ZNF618: variants seen among roughly 807,000 people sequenced by gnomAD.
ZNF618 encodes the protein zinc finger protein 618, also known as neural precursor cell expressed, developmentally down-regulated 10.
In ZNF618, 34 loss-of-function variants were observed where a neutral mutation model predicts 103.0. The observed-to-expected ratio is 0.33, with a 90% CI of 0.25 to 0.44. The LOEUF is 0.44. Ranked by LOEUF, ZNF618 falls within the 20% of genes least tolerant of loss-of-function variation. ZNF618 has a pLI of 1.00. For missense variants in ZNF618, 1,059 were observed against 1,295.4 expected (o/e 0.82, Z 2.80); for synonymous variants, 551 against 542.2 (o/e 1.02, Z -0.23).
intron 1 of ZNF618, among the ~76,000 whole-genome samples, chr9:113,955,899 A>C (rs907366769): frequency 7.9e-5 from 12 of 152,138 alleles, no homozygotes; most frequent in Non-Finnish European, 2.9e-5. Context: ...TGTGACCGGA[A>C]GAAGGGTGCT....
At position 114,048,707 on chromosome 9, in the gene ZNF618, A is replaced by G. The variant is rs770509246; in HGVS notation, c.1405A>G (p.Ile469Val). ...GATCCCCGAAAAGGAGCGGCAGAAC[A>G]TCGCAGAGCGGCTGTTGAGGGTCAT... is the stretch of plus-strand genomic sequence containing the variant. Reference protein sequence around the residue: ...SMIPEKERQNIAERLLRVMCA... With the variant: ...SMIPEKERQNVAERLLRVMCA... Residue 469 changes from isoleucine to valine, a missense_variant, in exon 15 of 15, where the codon ATC (isoleucine) becomes GTC (valine). By Grantham distance (29) the Ile-to-Val change is conservative. Transcript: ENST00000374126. 5 of 1,614,026 alleles carry G rather than the reference A, an allele frequency of 3.1e-6. No individual in the cohort carries two copies. The highest frequency in any genetic ancestry group is 4.5e-5 in the East Asian group (2 of 44,880).
intron 13 of ZNF618, among the ~76,000 whole-genome samples, chr9:114,043,732 TA>T (rs1845415694): frequency 6.6e-6 from 1 of 152,166 alleles, no homozygotes; most frequent in Admixed American, 6.5e-5. Flanking sequence ...ATTTTTAAAT[TA>T]TGGCCATTCT....
chr9:114,049,066 T>G lies in ZNF618; in HGVS notation c.1764T>G (p.Ile588Met). 1 of 1,613,890 alleles carries G rather than the reference T, an allele frequency of 6.2e-7. No individual in the cohort carries two copies. The highest frequency in any genetic ancestry group is 8.5e-7 in the Non-Finnish European group (1 of 1,179,898). The change falls in exon 15 of 15, where the codon ATT becomes ATG. Residue 588 changes from isoleucine (I) to methionine (M), a missense_variant. Around this residue, in one of 6 missense-constraint regions of ZNF618, gnomAD observed 272 missense variants for 380.1 expected, o/e 0.72. Coordinates refer to ENST00000374126, the MANE Select transcript of ZNF618 (RefSeq NM_001318042.2). ...TGCTTGGTGTGAAGGGTGCGGACAT[T>G]CGCGACAGCGGTGACCTTGTGCACC... ...SYVLGVKGAD[I>M]RDSGDLVHHW...
intron 1 of ZNF618, among the ~76,000 whole-genome samples, chr9:113,940,506 T>C (rs1167680537): frequency 1.3e-5 from 2 of 152,106 alleles, no homozygotes; most frequent in African/African-American, 2.4e-5. Context: ...GTTTTTGTTT[T>C]CTGTATTTTA....
At chr9:113,970,129 T>C (rs905313865) in intron 2 of ZNF618, among the ~76,000 whole-genome samples, 2 of 152,176 alleles carry the variant, frequency 1.3e-5, no homozygotes, top group Non-Finnish European at 2.9e-5. Flanking sequence ...TGTGAGACTT[T>C]CCAGATCTTT....
chr9:113,917,235 C>CTTTTTTTT (rs56300784), intron 1 of ZNF618, among the ~76,000 whole-genome samples: 62 of 74,254 alleles, frequency 8.3e-4, no homozygotes, highest in Non-Finnish European at 9.5e-4. Flanking sequence ...TCTCTCTATC[C>CTTTTTTTT]TTTTTTTTTT....
intron 1 of ZNF618, among the ~76,000 whole-genome samples, chr9:113,909,084 G>A (rs1045708648): frequency 6.6e-6 from 1 of 151,916 alleles, no homozygotes; most frequent in African/African-American, 2.4e-5. Flanking sequence ...GGTTCGAGGC[G>A]CAGCTCTGCC....
At chr9:113,986,610 C>T (rs1272759799) in intron 2 of ZNF618, among the ~76,000 whole-genome samples, 1 of 152,120 alleles carries the variant, frequency 6.6e-6, no homozygotes, top group African/African-American at 2.4e-5. Flanking sequence ...GCCACCAATC[C>T]CCTCATGAAG....
At chr9:113,884,712 A>G (rs901753117) in intron 1 of ZNF618, among the ~76,000 whole-genome samples, 1 of 152,078 alleles carries the variant, frequency 6.6e-6, no homozygotes, top group African/African-American at 2.4e-5. Context: ...ATCGACACAC[A>G]CACACACGCA....
chr9:113,907,890 G>T (rs1224801769), intron 1 of ZNF618, among the ~76,000 whole-genome samples: 1 of 152,194 alleles, frequency 6.6e-6, no homozygotes, highest in Non-Finnish European at 1.5e-5. Flanking sequence ...CATGAGAGCT[G>T]CCCCCTTCAG....
In ZNF618 at chr9:114,032,638, C is replaced by A. The variant is rs73658317; in HGVS notation, c.1085-7C>A. On this transcript the variant is annotated splice_region_variant and splice_polypyrimidine_tract_variant and intron_variant, in intron 11 of 14. Coordinates refer to ENST00000374126, the MANE Select transcript of ZNF618 (RefSeq NM_001318042.2). ...TGTTTTCTTTCTCTCTCCTGTCCCC[C>A]ACCCAGCAGAAAGCGCTTTCAGTCG... 3.7e-6 allele frequency: 6 copies of A among 1,613,636 alleles called. No homozygotes were observed. The highest frequency in any genetic ancestry group is 1.1e-5 in the South Asian group (1 of 91,086).
At chr9:114,006,549 A>G (rs939508496) in intron 6 of ZNF618, among the ~76,000 whole-genome samples, 82 of 152,346 alleles carry the variant, frequency 5.4e-4, no homozygotes, top group African/African-American at 1.9e-3. Context: ...CCAGGGGATC[A>G]TCCAAACTCC....
At chr9:114,033,967 G>A (rs377172373) in intron 12 of ZNF618, among the ~76,000 whole-genome samples, 2 of 152,184 alleles carry the variant, frequency 1.3e-5, no homozygotes, top group East Asian at 3.9e-4. Context: ...CTCCACTTCG[G>A]GCTGTTACTC....
intron 1 of ZNF618, among the ~76,000 whole-genome samples, chr9:113,920,894 A>G (rs1832581049): frequency 6.6e-6 from 1 of 152,202 alleles, no homozygotes; most frequent in Non-Finnish European, 1.5e-5. Context: ...TAGTTTTGCT[A>G]AGCCATACAT....
chr9:114,036,260 G>A (rs369301280), intron 12 of ZNF618, 40 bp from the exon 13 acceptor site: 37 of 1,547,466 alleles, frequency 2.4e-5, no homozygotes, highest in South Asian at 4.8e-5. Flanking sequence ...TGTCTGCGTC[G>A]GTTCCACCCC....
intron 10 of ZNF618, chr9:114,028,145 G>A (rs1162859268): frequency 6.5e-6 from 1 of 152,880 alleles, no homozygotes; most frequent in East Asian, 1.9e-4. Context: ...GGGGGCCTGG[G>A]TAATGGTGAT....
chr9:114,054,497 G>A lies in ZNF618; in HGVS notation c.*4330G>A, dbSNP rs1399352584. ...CATCTTAAGGAGGGCTCCTAACAAGGCCGATGATTTAGACAGAACAAGAGA... is the reference window on the plus strand; with the variant it reads ...CATCTTAAGGAGGGCTCCTAACAAGACCGATGATTTAGACAGAACAAGAGA... On this transcript the variant is annotated 3_prime_UTR_variant, in exon 15 of 15. Coordinates refer to ENST00000374126, the MANE Select transcript of ZNF618 (RefSeq NM_001318042.2). 2 of 152,450 alleles carry A rather than the reference G, an allele frequency of 1.3e-5. No homozygotes were observed. Among genetic ancestry groups the A allele is most frequent in the Non-Finnish European group, 2.9e-5 (2 of 68,072 alleles). The allele number at this position is 152,450 out of a possible 1,614,324, so 9.4% of individuals were successfully genotyped here. A position where few individuals can be genotyped will look rare whatever the true frequency, so the allele number is the denominator to read the frequency against.
chr9:113,948,611 G>A (rs937076463), intron 1 of ZNF618, among the ~76,000 whole-genome samples: 1 of 152,252 alleles, frequency 6.6e-6, no homozygotes, highest in African/African-American at 2.4e-5. Context: ...TTAACTGGAT[G>A]TGCCTGGTAG....
chr9:114,049,663 C>T lies in ZNF618; in HGVS notation c.2361C>T (p.Leu787=). The change falls in exon 15 of 15, where the codon CTC becomes CTT. Residue 787 remains leucine, a synonymous_variant. Transcript: ENST00000374126. The part of the protein sequence containing the change: ...DAGTVSKLCH[L]FLEALKENFK... ...GCACTGTCAGCAAGCTCTGCCACCT[C>T]TTCCTGGAGGCGCTCAAGGAGAACT... 6.2e-7 allele frequency: 1 copy of T among 1,613,866 alleles called. No homozygotes were observed. Among genetic ancestry groups the T allele is most frequent in the Non-Finnish European group, 8.5e-7 (1 of 1,179,912 alleles).
Sources: allele counts gnomAD v4.1 joint callset (sites outside exome capture counted in the v4.1 genomes callset), GRCh38; gene constraint gnomAD v4.1.1; regional missense constraint gnomAD v4.1.1; transcripts MANE v1.5; gene names NCBI Gene and HGNC (gene_info 2026-07-23, HGNC 2026-07-21).